TTC4: variants seen among roughly 807,000 people sequenced by gnomAD.
The protein encoded by TTC4 is hsp70/Hsp90 co-chaperone CNS1 homolog.
In TTC4, 36 loss-of-function variants were observed where a neutral mutation model predicts 51.9. That is an observed-to-expected ratio of 0.69 (90% CI 0.53 to 0.92). The LOEUF is 0.92. Among genes scored for constraint, TTC4 ranks in the 40% least tolerant of loss-of-function variants. The pLI is 0.00. For missense variants in TTC4, 399 were observed against 454.6 expected (o/e 0.88, Z 1.11); for synonymous variants, 144 against 164.2 (o/e 0.88, Z 0.94).
chr1:54,732,187 G>T (rs188586143), intron 7 of TTC4, among the ~76,000 whole-genome samples: 1 of 151,870 alleles, frequency 6.6e-6, no homozygotes, highest in Non-Finnish European at 1.5e-5. Context: ...CAAAAAATTA[G>T]CTGGGCATCT....
chr1:54,716,625 T>C lies in TTC4; in HGVS notation c.137T>C (p.Met46Thr). 1 of 1,613,616 alleles carries C rather than the reference T, an allele frequency of 6.2e-7. No homozygotes were observed. Among genetic ancestry groups the C allele is most frequent in the East Asian group, 2.2e-5 (1 of 44,878 alleles). The change falls in exon 2 of 10, where the codon ATG becomes ACG. Residue 46 changes from methionine to threonine, a missense_variant. Coordinates refer to ENST00000371281, the MANE Select transcript of TTC4 (RefSeq NM_004623.5). ...GAATTTGAAAAGGTCCCCCTATTTATGTCGAGAGCGCCATCAGAAATTGAT... is the reference window on the plus strand; with the variant it reads ...GAATTTGAAAAGGTCCCCCTATTTACGTCGAGAGCGCCATCAGAAATTGAT... Reference protein sequence around the residue: ...EKEFEKVPLFMSRAPSEIDPR... With the variant: ...EKEFEKVPLFTSRAPSEIDPR...
chr1:54,728,463 C>T (rs1645827052), intron 6 of TTC4, 31 bp downstream of exon 6: 16 of 1,585,566 alleles, frequency 1.0e-5, no homozygotes, highest in Admixed American at 1.7e-5. Context: ...TTTTTATGGT[C>T]CTGCTAAATC....
chr1:54,730,373 A>G (rs2101338707), intron 6 of TTC4, among the ~76,000 whole-genome samples: 1 of 150,524 alleles, frequency 6.6e-6, no homozygotes, highest in Admixed American at 6.7e-5. Flanking sequence ...ACACGAAGCC[A>G]TGCATGCTGT....
intron 3 of TTC4, among the ~76,000 whole-genome samples, chr1:54,719,838 T>G (rs1288476324): frequency 1.3e-5 from 2 of 151,908 alleles, no homozygotes; most frequent in Non-Finnish European, 2.9e-5. Context: ...TTTGGCAAAC[T>G]AGGACTCAGA....
At chr1:54,733,297 G>A (rs920964727) in intron 7 of TTC4, among the ~76,000 whole-genome samples, 1 of 151,854 alleles carries the variant, frequency 6.6e-6, no homozygotes, top group Non-Finnish European at 1.5e-5. Flanking sequence ...GCATGTGCCT[G>A]TAGTCTCAGC....
At chr1:54,722,907 A>G in intron 5 of TTC4, 108 bp downstream of exon 5, 1 of 1,401,444 alleles carries the variant, frequency 7.1e-7, no homozygotes, top group Admixed American at 2.3e-5. Context: ...AAAACCCAAA[A>G]CTAGTCCCTA....
intron 9 of TTC4, among the ~76,000 whole-genome samples, chr1:54,740,739 C>G (rs1428173806): frequency 6.6e-6 from 1 of 152,162 alleles, no homozygotes; most frequent in South Asian, 2.1e-4. Context: ...TACAACACCC[C>G]TATCCCTGGG....
intron 7 of TTC4, among the ~76,000 whole-genome samples, chr1:54,731,947 G>C (rs1288739284): frequency 6.6e-6 from 1 of 152,122 alleles, no homozygotes; most frequent in African/African-American, 2.4e-5. Context: ...ACAGTATTGT[G>C]TTTGCCAAAG....
Position 54,715,865 on chromosome 1 carries a change from G to A in TTC4, c.-44G>A, listed in dbSNP as rs778500716. On this transcript the variant is annotated 5_prime_UTR_variant, in exon 1 of 10. Coordinates refer to ENST00000371281, the MANE Select transcript of TTC4 (RefSeq NM_004623.5). ...CCCGCGCCGCCGGAAGGAGCCGCTCGCTTCACGGCGCTGGGACCCGGGCTG... is the reference window on the plus strand; with the variant it reads ...CCCGCGCCGCCGGAAGGAGCCGCTCACTTCACGGCGCTGGGACCCGGGCTG... 5.3e-6 allele frequency: 8 copies of A among 1,501,566 alleles called. No individual in the cohort carries two copies. The East Asian group carries it at 7.2e-5, about 14-fold the overall frequency. 93.0% of individuals were successfully genotyped at this position (1,501,566 alleles called of 1,614,324 possible). A position where few individuals can be genotyped will look rare whatever the true frequency, so the allele number is the denominator to read the frequency against.
intron 5 of TTC4, among the ~76,000 whole-genome samples, chr1:54,724,099 G>C (rs1225687879): frequency 2.0e-5 from 3 of 152,126 alleles, no homozygotes; most frequent in Non-Finnish European, 4.4e-5. Context: ...TTAGGTCTAG[G>C]TGACATTACT....
chr1:54,737,393 C>T, intron 8 of TTC4, 189 bp from the exon 9 acceptor site: 1 of 547,374 alleles, frequency 1.8e-6, no homozygotes, highest in Non-Finnish European at 3.3e-6. Context: ...GAAGATGGAA[C>T]TGATAATAGC....
chr1:54,722,129 A>ATTTTTT (rs11443027), intron 4 of TTC4, among the ~76,000 whole-genome samples: 3 of 147,008 alleles, frequency 2.0e-5, no homozygotes, highest in Non-Finnish European at 4.5e-5. Context: ...ATAACATGAA[A>ATTTTTT]TTTTTTTTTT....
Position 54,716,628 on chromosome 1 carries a change from C to G in TTC4, c.140C>G (p.Ser47Trp), listed in dbSNP as rs745861383. 1.2e-6 allele frequency: 2 copies of G among 1,613,402 alleles called. No homozygotes were observed. The highest frequency in any genetic ancestry group is 1.7e-6 in the Non-Finnish European group (2 of 1,179,866). Residue 47 changes from serine to tryptophan, a missense_variant, in exon 2 of 10, where the codon TCG becomes TGG. Ser to Trp is a radical substitution (Grantham distance 177, BLOSUM62 -3). This residue lies in a region of TTC4 where 316 missense variants were observed against 349.6 expected (regional missense o/e 0.90). Transcript: ENST00000371281. Reference protein sequence around the residue: ...KEFEKVPLFMSRAPSEIDPRE... With the variant: ...KEFEKVPLFMWRAPSEIDPRE... Reference sequence around the variant, plus strand: ...TTTGAAAAGGTCCCCCTATTTATGTCGAGAGCGCCATCAGAAATTGATCCC... The same window carrying G: ...TTTGAAAAGGTCCCCCTATTTATGTGGAGAGCGCCATCAGAAATTGATCCC...
chr1:54,717,523 T>G lies in TTC4; in HGVS notation c.261T>G (p.Asn87Lys). 1 of 1,607,242 alleles carries G rather than the reference T, an allele frequency of 6.2e-7. No individual in the cohort carries two copies. ...CCAAGACCTATAAAGATGAGGGCAA[T>G]GATTACTTTAAAGAAAAAGACTACA... is the stretch of plus-strand genomic sequence containing the variant. Reference protein sequence around the residue: ...EQAKTYKDEGNDYFKEKDYKK... With the variant: ...EQAKTYKDEGKDYFKEKDYKK... Residue 87 changes from asparagine (N) to lysine (K), a missense_variant, in exon 3 of 10, where the codon AAT becomes AAG. Coordinates refer to ENST00000371281, the MANE Select transcript of TTC4 (RefSeq NM_004623.5).
intron 3 of TTC4, among the ~76,000 whole-genome samples, chr1:54,720,231 A>G (rs1645727086): frequency 1.3e-5 from 2 of 152,130 alleles, no homozygotes; most frequent in Admixed American, 6.5e-5. Flanking sequence ...ATTGTAATAA[A>G]ATGAAGAAGA....
chr1:54,731,654 G>C lies in TTC4; in HGVS notation c.850G>C (p.Glu284Gln). 1 of 1,614,138 alleles carries C rather than the reference G, an allele frequency of 6.2e-7. No homozygotes were observed. The highest frequency in any genetic ancestry group is 8.5e-7 in the Non-Finnish European group (1 of 1,180,024). Residue 284 changes from glutamate to glutamine, a missense_variant, in exon 7 of 10, where the codon GAG (glutamate) becomes CAG (glutamine). Physicochemically the swap from Glu to Gln is conservative, Grantham distance 29 (BLOSUM62 2). Coordinates refer to ENST00000371281, the MANE Select transcript of TTC4 (RefSeq NM_004623.5). ...CTGGCCTGTGCTCTTTCTGTACCCA[G>C]AGTATGCCCAGTCGGACTTCATCTC... Reference protein sequence around the residue: ...LSWPVLFLYPEYAQSDFISAF... With the variant: ...LSWPVLFLYPQYAQSDFISAF...
intron 5 of TTC4, among the ~76,000 whole-genome samples, chr1:54,723,359 G>A (rs1645766007): frequency 6.6e-6 from 1 of 152,098 alleles, no homozygotes; most frequent in South Asian, 2.1e-4. Flanking sequence ...TCTTGTCCAG[G>A]GCAAAATTAG....
Position 54,741,587 on chromosome 1 carries a change from A to T in TTC4, c.*74A>T. 3 of 1,222,014 alleles carry T rather than the reference A, an allele frequency of 2.5e-6. No homozygotes were observed. Among genetic ancestry groups the T allele is most frequent in the Non-Finnish European group, 3.6e-6 (3 of 826,618 alleles). 75.7% of individuals were successfully genotyped at this position (1,222,014 alleles called of 1,614,324 possible). ...CCTAGCACACCTGAATCAGCTGGACATACTGCTGGAGTCCAGTGCTTTCTT... is the reference window on the plus strand; with the variant it reads ...CCTAGCACACCTGAATCAGCTGGACTTACTGCTGGAGTCCAGTGCTTTCTT... On this transcript the variant is annotated 3_prime_UTR_variant, in exon 10 of 10. Coordinates refer to ENST00000371281, the MANE Select transcript of TTC4 (RefSeq NM_004623.5).
chr1:54,733,735 T>G, intron 8 of TTC4, 25 bp downstream of exon 8: 1 of 1,291,206 alleles, frequency 7.7e-7, no homozygotes, highest in Non-Finnish European at 1.1e-6. Flanking sequence ...ATTTCGTTCC[T>G]CTATGGAATT....
Sources: gnomAD v4.1 joint callset for allele counts (sites outside exome capture counted in the v4.1 genomes callset) on GRCh38, gnomAD v4.1.1 for gene constraint, gnomAD v4.1.1 regional missense constraint, MANE v1.5 for transcripts, NCBI Gene and HGNC (gene_info 2026-07-23, HGNC 2026-07-21) for gene names.